SIRT1: variants seen among roughly 807,000 people sequenced by gnomAD.
The protein encoded by SIRT1 is sirtuin 1, also known as NAD-dependent protein deacetylase sirtuin-1.
In SIRT1, 24 loss-of-function variants were observed where a neutral mutation model predicts 67.9. The observed-to-expected ratio is 0.35, with a 90% CI of 0.26 to 0.50. The LOEUF (loss-of-function observed/expected upper bound fraction) is 0.50, where lower values mean the gene tolerates loss of function less well. SIRT1 is among the 20% of genes least tolerant of loss of function. The pLI is 0.98. For missense variants in SIRT1, 873 were observed against 937.2 expected (o/e 0.93, Z 0.89); for synonymous variants, 378 against 350.7 (o/e 1.08, Z -0.87).
chr10:67,892,033 T>C (rs1279855036), intron 4 of SIRT1, among the ~76,000 whole-genome samples: 6 of 152,152 alleles, frequency 3.9e-5, no homozygotes, highest in Admixed American at 6.6e-5. Flanking sequence ...ATTATTCTGC[T>C]CTAGAGTTGC....
In SIRT1 at chr10:67,885,064, C is replaced by G. The variant is rs900251478; in HGVS notation, c.343C>G (p.Pro115Ala). The change falls in exon 1 of 9, where the codon CCG becomes GCG. Residue 115 changes from proline (P) to alanine (A), a missense_variant. By Grantham distance (27) the Pro-to-Ala change is conservative. Around this residue, in one of 3 missense-constraint regions of SIRT1, gnomAD observed 327 missense variants for 283.9 expected, o/e 1.15. Coordinates refer to ENST00000212015, the MANE Select transcript of SIRT1 (RefSeq NM_012238.5). Reference protein sequence around the residue: ...PGLQGPSREPPLADNLYDEDD... With the variant: ...PGLQGPSREPALADNLYDEDD... ...CCTGCAGGGCCCATCTCGGGAGCCA[C>G]CGCTGGCCGACAACTTGTACGACGA... 5 of 1,435,760 alleles carry G rather than the reference C, an allele frequency of 3.5e-6. No individual in the cohort carries two copies. The highest frequency in any genetic ancestry group is 4.6e-6 in the Non-Finnish European group (5 of 1,087,510). 88.9% of individuals were successfully genotyped at this position (1,435,760 alleles called of 1,614,324 possible).
At chr10:67,893,837 C>A (rs1842612011) in intron 4 of SIRT1, among the ~76,000 whole-genome samples, 2 of 152,180 alleles carry the variant, frequency 1.3e-5, no homozygotes, top group Admixed American at 1.3e-4. Flanking sequence ...GGCACCGCGC[C>A]CCGCGCCCTG....
intron 1 of SIRT1, chr10:67,885,546 T>C (rs1842464631): frequency 2.0e-6 from 1 of 510,498 alleles, no homozygotes; most frequent in African/African-American, 2.0e-5. Flanking sequence ...CACACTTAAG[T>C]CTGCAACTTT....
intron 3 of SIRT1, among the ~76,000 whole-genome samples, chr10:67,891,154 TA>T (rs1272057351): frequency 6.6e-6 from 1 of 152,222 alleles, no homozygotes. Context: ...TTAAAAGGCT[TA>T]AAATTGGCCT....
rs1007015362 is a variant in SIRT1, at chr10:67,916,831, A to G, written c.*238A>G. The G allele has an allele frequency of 5.2e-5, 13 of 248,294 alleles. No individual in the cohort carries two copies. Among genetic ancestry groups the G allele is most frequent in the Non-Finnish European group, 8.6e-5 (11 of 127,278 alleles). 15.4% of individuals were successfully genotyped at this position (248,294 alleles called of 1,614,324 possible). On this transcript the variant is annotated 3_prime_UTR_variant, in exon 9 of 9. Coordinates refer to ENST00000212015, the MANE Select transcript of SIRT1 (RefSeq NM_012238.5). The stretch of plus-strand genomic sequence containing the variant: ...AAAAAAAAGGTACTAAGTATCTTCA[A>G]TCAGCTGTTGGTCAAGACTAACTTT...
At position 67,912,508 on chromosome 10, in the gene SIRT1, TAATA is replaced by T; in HGVS notation, c.1393_1396del (p.Asn465GlufsTer11). On this transcript the variant is annotated frameshift_variant, in exon 8 of 9. Transcript: ENST00000212015. LOFTEE classifies it high-confidence loss of function. Reference sequence around the variant, plus strand: ...CCCATGAAGTGCCTCAGATATTAATTAATAGAGAACCTTTGCCTCATCTGCATTT... The same window carrying T: ...CCCATGAAGTGCCTCAGATATTAATTGAGAACCTTTGCCTCATCTGCATTT... 1 of 1,612,420 alleles carries T rather than the reference TAATA, an allele frequency of 6.2e-7. No homozygotes were observed. Among genetic ancestry groups the T allele is most frequent in the Non-Finnish European group, 8.5e-7 (1 of 1,179,620 alleles).
At position 67,916,593 on chromosome 10, in the gene SIRT1, G is replaced by A. The variant is rs1419864328; in HGVS notation, c.2244G>A (p.Ter748=). 2 of 1,603,274 alleles carry A rather than the reference G, an allele frequency of 1.2e-6. No individual in the cohort carries two copies. The highest frequency in any genetic ancestry group is 1.7e-6 in the Non-Finnish European group (2 of 1,172,332). The stretch of plus-strand genomic sequence containing the variant: ...TGAACTATCCATCAAACAAATCATA[G>A]TGTAATAATTGTGCAGGTACAGGAA... ...TDMNYPSNKS[*] is the part of the protein sequence containing the mutation. The change falls in exon 9 of 9, where the codon TAG becomes TAA. Residue 748 remains the stop codon, a stop_retained_variant. Coordinates refer to ENST00000212015, the MANE Select transcript of SIRT1 (RefSeq NM_012238.5).
chr10:67,908,008 C>G, intron 5 of SIRT1, 38 bp from the exon 6 acceptor site: 2 of 1,525,948 alleles, frequency 1.3e-6, no homozygotes, highest in Middle Eastern at 1.7e-4. Flanking sequence ...AACAGAAATA[C>G]TTCTTTAATA....
At chr10:67,902,232 G>A (rs1373501405) in intron 4 of SIRT1, among the ~76,000 whole-genome samples, 2 of 151,882 alleles carry the variant, frequency 1.3e-5, no homozygotes, top group East Asian at 1.9e-4. Flanking sequence ...CAGGTGATCC[G>A]CCTGCCTCAG....
rs1451404296 is a variant in SIRT1, at chr10:67,884,961, G to C, written c.240G>C (p.Glu80Asp). 1 of 1,263,104 alleles carries C rather than the reference G, an allele frequency of 7.9e-7. No homozygotes were observed. Among genetic ancestry groups the C allele is most frequent in the Non-Finnish European group, 1.0e-6 (1 of 1,004,578 alleles). The allele number at this position is 1,263,104 out of a possible 1,614,324, so 78.2% of individuals were successfully genotyped here. A position where few individuals can be genotyped will look rare whatever the true frequency, so the allele number is the denominator to read the frequency against. ...CGGCGGCGCTGTGGCGGGAGGCGGA[G>C]GCAGAGGCGGCGGCGGCAGGCGGGG... The part of the protein sequence containing the change: ...AAAAALWREA[E>D]AEAAAAGGEQ... Residue 80 changes from glutamate to aspartate, a missense_variant, in exon 1 of 9, where the codon GAG becomes GAC. Physicochemically the swap from Glu to Asp is conservative, Grantham distance 45. This residue lies in a region of SIRT1 where 327 missense variants were observed against 283.9 expected (regional missense o/e 1.15). Transcript: ENST00000212015.
chr10:67,895,447 G>A (rs1012498487), intron 4 of SIRT1, among the ~76,000 whole-genome samples: 3 of 152,142 alleles, frequency 2.0e-5, no homozygotes, highest in Non-Finnish European at 2.9e-5. Flanking sequence ...GGGAGGGTAT[G>A]TAAATATTGT....
intron 6 of SIRT1, among the ~76,000 whole-genome samples, chr10:67,908,328 A>G (rs1369632427): frequency 2.6e-5 from 4 of 152,214 alleles, no homozygotes; most frequent in Non-Finnish European, 5.9e-5. Context: ...AGGCTCTTCA[A>G]ATTATGAAAT....
intron 4 of SIRT1, among the ~76,000 whole-genome samples, chr10:67,898,868 T>C (rs879280918): frequency 2.8e-4 from 43 of 152,290 alleles, no homozygotes; most frequent in South Asian, 1.0e-3. Context: ...TTACTTTGCT[T>C]TCAATTTGTA....
chr10:67,894,117 C>T (rs987022312), intron 4 of SIRT1, among the ~76,000 whole-genome samples: 1 of 152,152 alleles, frequency 6.6e-6, no homozygotes, highest in African/African-American at 2.4e-5. Flanking sequence ...CACTACACCC[C>T]TCCACCCCAT....
rs1291063294 is a variant in SIRT1, at chr10:67,884,746, C to T, written c.25C>T (p.Leu9Phe). MADEAALALQPGGSPSAAG... is the reference protein window; with the variant it reads MADEAALAFQPGGSPSAAG... The stretch of plus-strand genomic sequence containing the variant: ...GATGGCGGACGAGGCGGCCCTCGCC[C>T]TTCAGCCCGGCGGCTCCCCCTCGGC... Residue 9 changes from leucine (L) to phenylalanine (F), a missense_variant, in exon 1 of 9, where the codon CTT (leucine) becomes TTT (phenylalanine). Leu to Phe is a conservative substitution (Grantham distance 22). Around this residue, in one of 3 missense-constraint regions of SIRT1, gnomAD observed 327 missense variants for 283.9 expected, o/e 1.15. Coordinates refer to ENST00000212015, the MANE Select transcript of SIRT1 (RefSeq NM_012238.5). 1.1e-5 allele frequency: 14 copies of T among 1,228,868 alleles called. No individual in the cohort carries two copies. The highest frequency in any genetic ancestry group is 4.2e-5 in the Admixed American group (1 of 23,596). The allele number at this position is 1,228,868 out of a possible 1,614,324, so 76.1% of individuals were successfully genotyped here. A position where few individuals can be genotyped will look rare whatever the true frequency, so the allele number is the denominator to read the frequency against.
chr10:67,905,634 T>G (rs1324468559), intron 4 of SIRT1, among the ~76,000 whole-genome samples: 1 of 152,222 alleles, frequency 6.6e-6, no homozygotes, highest in Non-Finnish European at 1.5e-5. Context: ...TTTTGTATAA[T>G]GTCAGAAGTG....
intron 8 of SIRT1, among the ~76,000 whole-genome samples, chr10:67,915,992 T>TTTAA (rs1256647635): frequency 1.3e-5 from 2 of 152,304 alleles, no homozygotes; most frequent in East Asian, 3.9e-4. Flanking sequence ...CTTGTATTTA[T>TTTAA]TTAATTAATT....
At chr10:67,907,789 A>G (rs1394788168) in intron 5 of SIRT1, among the ~76,000 whole-genome samples, 3 of 152,130 alleles carry the variant, frequency 2.0e-5, no homozygotes, top group Non-Finnish European at 4.4e-5. Context: ...AGAAGGCATC[A>G]TTATATTAGT....
chr10:67,891,994 GC>G (rs1329230294), intron 4 of SIRT1, among the ~76,000 whole-genome samples: 5 of 152,206 alleles, frequency 3.3e-5, no homozygotes, highest in African/African-American at 4.8e-5. Context: ...TTCTTGGGTT[GC>G]ATTTTTGTCA....
Sources: gnomAD v4.1 joint callset for allele counts (sites outside exome capture counted in the v4.1 genomes callset) on GRCh38, gnomAD v4.1.1 for gene constraint, gnomAD v4.1.1 regional missense constraint, MANE v1.5 for transcripts, NCBI Gene and HGNC (gene_info 2026-07-23, HGNC 2026-07-21) for gene names.